Variants in MED28 observed in about 807,000 individuals in gnomAD.
MED28 encodes the protein mediator complex subunit 28, also known as mediator of RNA polymerase II transcription subunit 28.
Under a neutral mutation model 21.3 loss-of-function variants are expected in MED28, and 26 were observed. The ratio of observed to expected loss-of-function variants is 1.22; its 90% confidence interval spans 0.89 to 1.69. MED28 has a LOEUF of 1.69. MED28 is among the 40% of genes most tolerant of loss of function. The pLI is 0.00. For missense variants in MED28, 257 were observed against 215.4 expected (o/e 1.19, Z -1.21); for synonymous variants, 110 against 87.6 (o/e 1.26, Z -1.43).
chr4:17,616,000 G>A (rs1290245305), intron 1 of MED28, among the ~76,000 whole-genome samples: 1 of 152,016 alleles, frequency 6.6e-6, no homozygotes, highest in Non-Finnish European at 1.5e-5. Flanking sequence ...TCACTCTCTC[G>A]CCCAGGCTGG....
Position 17,625,735 on chromosome 4 carries a change from C to T in MED28, c.*1937C>T, listed in dbSNP as rs565388947. The T allele has an allele frequency of 1.5e-4, 63 of 434,088 alleles. 1 individual carries two copies. The highest frequency in any genetic ancestry group is 1.1e-3 in the African/African-American group (52 of 49,294). The allele number at this position is 434,088 out of a possible 1,614,324, so 26.9% of individuals were successfully genotyped here. A position where few individuals can be genotyped will look rare whatever the true frequency, so the allele number is the denominator to read the frequency against. ...TTTCAGGGAGAAAATCACAAGCCAT[C>T]TTCTCAAGTTCCCCTAGAAACCTGT... On this transcript the variant is annotated 3_prime_UTR_variant, in exon 4 of 4. Coordinates refer to ENST00000237380, the MANE Select transcript of MED28 (RefSeq NM_025205.5).
chr4:17,623,887 A>C lies in MED28; in HGVS notation c.*89A>C, dbSNP rs1172527509. The C allele has an allele frequency of 7.1e-7, 1 of 1,412,384 alleles. No homozygotes were observed. The highest frequency in any genetic ancestry group is 2.3e-5 in the Admixed American group (1 of 43,982). The allele number at this position is 1,412,384 out of a possible 1,614,324, so 87.5% of individuals were successfully genotyped here. A position where few individuals can be genotyped will look rare whatever the true frequency, so the allele number is the denominator to read the frequency against. ...CCTGTGGACTTGACATTTTGGAAGA[A>C]CTCTTTGCCAGATAATGAGTTCATT... is the stretch of plus-strand genomic sequence containing the variant. On this transcript the variant is annotated 3_prime_UTR_variant, in exon 4 of 4. Coordinates refer to ENST00000237380, the MANE Select transcript of MED28 (RefSeq NM_025205.5).
rs745314750 is a variant in MED28, at chr4:17,614,668, TA to T, written c.15del (p.Gly7ValfsTer54). Reference sequence around the variant, plus strand: ...GCCATTCCAAACATGGCGGCTCCACTAGGGGGTATGTTTTCTGGGCAGCCAC... The same window carrying T: ...GCCATTCCAAACATGGCGGCTCCACTGGGGGTATGTTTTCTGGGCAGCCAC... The part of the protein sequence containing the change: MAAP[L>X]GGMFSGQPPG... On this transcript the variant is annotated frameshift_variant, in exon 1 of 4. Transcript: ENST00000237380. LOFTEE classifies it high-confidence loss of function. 3 of 1,611,660 alleles carry T rather than the reference TA, an allele frequency of 1.9e-6. No individual in the cohort carries two copies. The highest frequency in any genetic ancestry group is 1.7e-5 in the Admixed American group (1 of 59,188).
chr4:17,616,877 C>T lies in MED28; in HGVS notation c.159+2064C>T, dbSNP rs1577230494. 2.6e-5 allele frequency among the ~76,000 whole-genome samples: 4 copies of T among 152,274 alleles called. No individual in the cohort carries two copies. In the Middle Eastern group the frequency reaches 0.014, roughly 518 times the overall value. On this transcript the variant is annotated intron_variant, in intron 1 of 3. Transcript: ENST00000237380. ...TGTAGTTGGCTTGTGCACAGAACTC[C>T]TTGCCTGATTCACATATATGTCTGT... is the stretch of plus-strand genomic sequence containing the variant.
At position 17,632,669 on chromosome 4, in the gene MED28, G is replaced by A; in HGVS notation, c.*8871G>A. 7.6e-7 allele frequency: 1 copy of A among 1,308,738 alleles called. No individual in the cohort carries two copies. Among genetic ancestry groups the A allele is most frequent in the South Asian group, 1.3e-5 (1 of 78,178 alleles). 81.1% of individuals were successfully genotyped at this position (1,308,738 alleles called of 1,614,324 possible). ...TTTTTTATATGGTTTTGAAAACTAT[G>A]CAAGAAGCAGCTTAATACCCACCAT... On this transcript the variant is annotated 3_prime_UTR_variant, in exon 4 of 4. Transcript: ENST00000237380.
Position 17,632,478 on chromosome 4 carries a change from G to T in MED28, c.*8680G>T. 1 of 1,368,208 alleles carries T rather than the reference G, an allele frequency of 7.3e-7. No individual in the cohort carries two copies. The highest frequency in any genetic ancestry group is 1.3e-5 in the South Asian group (1 of 77,914). 84.8% of individuals were successfully genotyped at this position (1,368,208 alleles called of 1,614,324 possible). A position where few individuals can be genotyped will look rare whatever the true frequency, so the allele number is the denominator to read the frequency against. ...TGTTAGTTCATTCCTTCAATCGGATGATTTAAAATAAATGTTTTTCAAGTA... is the reference window on the plus strand; with the variant it reads ...TGTTAGTTCATTCCTTCAATCGGATTATTTAAAATAAATGTTTTTCAAGTA... On this transcript the variant is annotated 3_prime_UTR_variant, in exon 4 of 4. Transcript: ENST00000237380.
chr4:17,615,170 T>C (rs1714413019), intron 1 of MED28, among the ~76,000 whole-genome samples: 1 of 152,234 alleles, frequency 6.6e-6, no homozygotes, highest in South Asian at 2.1e-4. Flanking sequence ...AGAGTTTCAC[T>C]GCTGTATCCT....
Position 17,625,109 on chromosome 4 carries a change from AG to A in MED28, c.*1312del, listed in dbSNP as rs1446047175. ...CCCTGAAGCCTCCCAGCACCCATTC[AG>A]TTGCATCCCCAGGGCACAGGACTTT... On this transcript the variant is annotated 3_prime_UTR_variant, in exon 4 of 4. Coordinates refer to ENST00000237380, the MANE Select transcript of MED28 (RefSeq NM_025205.5). 6.6e-6 allele frequency: 1 copy of A among 152,300 alleles called. No homozygotes were observed. Among genetic ancestry groups the A allele is most frequent in the African/African-American group, 2.4e-5 (1 of 41,406 alleles). The allele number at this position is 152,300 out of a possible 1,614,324, so 9.4% of individuals were successfully genotyped here.
chr4:17,623,863 C>T lies in MED28; in HGVS notation c.*65C>T, dbSNP rs1015609618. On this transcript the variant is annotated 3_prime_UTR_variant, in exon 4 of 4. Transcript: ENST00000237380. ...CGTGAGGTTGGCCACACATTCCTTC[C>T]TGTGGACTTGACATTTTGGAAGAAC... 6.5e-5 allele frequency: 98 copies of T among 1,510,516 alleles called. No individual in the cohort carries two copies. The highest frequency in any genetic ancestry group is 8.5e-5 in the Non-Finnish European group (94 of 1,108,708). The allele number at this position is 1,510,516 out of a possible 1,614,324, so 93.6% of individuals were successfully genotyped here. A position where few individuals can be genotyped will look rare whatever the true frequency, so the allele number is the denominator to read the frequency against.
intron 1 of MED28, among the ~76,000 whole-genome samples, chr4:17,618,391 T>G (rs1406121787): frequency 6.6e-6 from 1 of 152,130 alleles, no homozygotes; most frequent in Non-Finnish European, 1.5e-5. Flanking sequence ...GCCTCCTGGC[T>G]CAGGGGAGCT....
Position 17,632,770 on chromosome 4 carries a change from A to G in MED28, c.*8972A>G, listed in dbSNP as rs1714999057. On this transcript the variant is annotated 3_prime_UTR_variant, in exon 4 of 4. Coordinates refer to ENST00000237380, the MANE Select transcript of MED28 (RefSeq NM_025205.5). The stretch of plus-strand genomic sequence containing the variant: ...GGACTGGCCAACATTAGTAGTGGGA[A>G]ACAAATTGTAAAGGATGGGGCTGGG... The G allele has an allele frequency of 1.2e-5, 7 of 574,302 alleles. No individual in the cohort carries two copies. Among genetic ancestry groups the G allele is most frequent in the Admixed American group, 6.1e-5 (2 of 33,036 alleles). 35.6% of individuals were successfully genotyped at this position (574,302 alleles called of 1,614,324 possible). A position where few individuals can be genotyped will look rare whatever the true frequency, so the allele number is the denominator to read the frequency against.
chr4:17,614,674 G>T lies in MED28; in HGVS notation c.20G>T (p.Gly7Val), dbSNP rs372782385. 23 of 1,612,786 alleles carry T rather than the reference G, an allele frequency of 1.4e-5. No individual in the cohort carries two copies. Among genetic ancestry groups the T allele is most frequent in the African/African-American group, 4.0e-5 (3 of 74,766 alleles). The change falls in exon 1 of 4, where the codon GGT (glycine) becomes GTT (valine). Residue 7 changes from glycine to valine, a missense_variant. Transcript: ENST00000237380. ...CCAAACATGGCGGCTCCACTAGGGG[G>T]TATGTTTTCTGGGCAGCCACCCGGT... MAAPLG[G>V]MFSGQPPGPP...
chr4:17,621,834 A>G, intron 3 of MED28, 135 bp downstream of exon 3: 2 of 658,236 alleles, frequency 3.0e-6, no homozygotes, highest in Non-Finnish European at 5.3e-6. Context: ...AAATGTGGCT[A>G]GTCATCCATG....
chr4:17,621,664 T>G lies in MED28; in HGVS notation c.304T>G (p.Leu102Val). ...ECFFLQKRLQ[L>V]SVQKPEQVIK... is the part of the protein sequence containing the mutation. ...TTTTTTCTTACAAAAAAGATTGCAGTTATCTGTCCAGAAACCAGAGCAAGT... is the reference window on the plus strand; with the variant it reads ...TTTTTTCTTACAAAAAAGATTGCAGGTATCTGTCCAGAAACCAGAGCAAGT... Residue 102 changes from leucine (L) to valine (V), a missense_variant, in exon 3 of 4, where the codon TTA becomes GTA. By Grantham distance (32) the Leu-to-Val change is conservative. Coordinates refer to ENST00000237380, the MANE Select transcript of MED28 (RefSeq NM_025205.5). 2 of 1,611,508 alleles carry G rather than the reference T, an allele frequency of 1.2e-6. No individual in the cohort carries two copies. Among genetic ancestry groups the G allele is most frequent in the Non-Finnish European group, 8.5e-7 (1 of 1,179,420 alleles).
In MED28 at chr4:17,625,917, A is replaced by C. The variant is rs2108919905; in HGVS notation, c.*2119A>C. On this transcript the variant is annotated 3_prime_UTR_variant, in exon 4 of 4. Coordinates refer to ENST00000237380, the MANE Select transcript of MED28 (RefSeq NM_025205.5). ...GCTTCAGGCTTTCAACTTTGAAACAAACATCTGTGCCACACACATTTTGTA... is the reference window on the plus strand; with the variant it reads ...GCTTCAGGCTTTCAACTTTGAAACACACATCTGTGCCACACACATTTTGTA... The C allele has an allele frequency of 5.0e-6, 1 of 199,026 alleles. No homozygotes were observed. The highest frequency in any genetic ancestry group is 1.7e-4 in the East Asian group (1 of 6,044). The allele number at this position is 199,026 out of a possible 1,614,324, so 12.3% of individuals were successfully genotyped here.
At chr4:17,618,013 C>CTTT (rs529883796) in intron 1 of MED28, among the ~76,000 whole-genome samples, 35 of 117,906 alleles carry the variant, frequency 3.0e-4, no homozygotes, top group African/African-American at 4.7e-4. Flanking sequence ...CTTTTCTTTT[C>CTTT]TTTTTTTTTT....
intron 3 of MED28, among the ~76,000 whole-genome samples, chr4:17,623,390 C>T (rs1318822871): frequency 9.3e-6 from 1 of 107,214 alleles, no homozygotes; most frequent in Non-Finnish European, 1.7e-5. Flanking sequence ...GACAGCAAGA[C>T]TTCGTCTCAA....
chr4:17,625,639 A>G lies in MED28; in HGVS notation c.*1841A>G, dbSNP rs755143462. 6.3e-5 allele frequency: 28 copies of G among 445,338 alleles called. No individual in the cohort carries two copies. Among genetic ancestry groups the G allele is most frequent in the East Asian group, 3.6e-4 (5 of 13,916 alleles). The allele number at this position is 445,338 out of a possible 1,614,324, so 27.6% of individuals were successfully genotyped here. A position where few individuals can be genotyped will look rare whatever the true frequency, so the allele number is the denominator to read the frequency against. On this transcript the variant is annotated 3_prime_UTR_variant, in exon 4 of 4. Transcript: ENST00000237380. ...TTTTTTGCCAAATAACAATTTTTCA[A>G]TCTTCTCTGTTTGTAGACATCTTAC...
intron 1 of MED28, among the ~76,000 whole-genome samples, chr4:17,617,537 C>A (rs540916617): frequency 6.6e-6 from 1 of 152,150 alleles, no homozygotes; most frequent in African/African-American, 2.4e-5. Flanking sequence ...GAAAGCCAGC[C>A]GTTGGGTTTG....
Sources: allele counts gnomAD v4.1 joint callset (sites outside exome capture counted in the v4.1 genomes callset), GRCh38; gene constraint gnomAD v4.1.1; transcripts MANE v1.5; gene names NCBI Gene and HGNC (gene_info 2026-07-23, HGNC 2026-07-21).